The following KLF13 variants were observed in gnomAD, a reference collection of about 807,000 sequenced individuals.
The protein encoded by KLF13 is KLF transcription factor 13, also known as Krueppel-like factor 13.
In KLF13, 8 loss-of-function variants were observed where a neutral mutation model predicts 16.7. The observed-to-expected ratio is 0.48, with a 90% confidence interval of 0.28 to 0.87. The LOEUF (loss-of-function observed/expected upper bound fraction) is 0.87, where lower values mean the gene tolerates loss of function less well. Among genes scored for constraint, KLF13 ranks in the 40% least tolerant of loss-of-function variants. KLF13 has a pLI of 0.10. For synonymous variants in KLF13, 245 were observed against 208.4 expected (o/e 1.18, Z -1.51); for missense variants, 447 against 452.2 (o/e 0.99, Z 0.10).
downstream of KLF13, among the ~76,000 whole-genome samples, chr15:31,407,870 A>G (rs903677317): frequency 7.2e-5 from 11 of 152,232 alleles, no homozygotes; most frequent in African/African-American, 2.2e-4. Flanking sequence ...GTCTTGAAAA[A>G]ATGAATGGAT....
downstream of KLF13, among the ~76,000 whole-genome samples, chr15:31,382,683 CAG>C (rs968701937): frequency 5.3e-5 from 8 of 152,334 alleles, no homozygotes; most frequent in Non-Finnish European, 1.0e-4. Context: ...AAGCTGCCCT[CAG>C]GGGGGCCCAG....
chr15:31,346,793 C>A (rs2039129429), intron 1 of KLF13, among the ~76,000 whole-genome samples: 1 of 152,242 alleles, frequency 6.6e-6, no homozygotes, highest in South Asian at 2.1e-4. Context: ...AGGGCTCCTG[C>A]CGGCCATAGG....
At chr15:31,370,253 C>T (rs2039537667) in intron 1 of KLF13, among the ~76,000 whole-genome samples, 1 of 151,912 alleles carries the variant, frequency 6.6e-6, no homozygotes, top group South Asian at 2.1e-4. Context: ...CACACACGGC[C>T]CCTGCTTCAG....
At chr15:31,383,758 T>A (rs551998744) in intron 1 of KLF13, among the ~76,000 whole-genome samples, 1 of 151,898 alleles carries the variant, frequency 6.6e-6, no homozygotes, top group Middle Eastern at 3.2e-3. Context: ...AAAAATTAGC[T>A]GGGCGTGGTG....
At chr15:31,420,587 G>T in intron 1 of KLF13, 1 of 450,210 alleles carries the variant, frequency 2.2e-6, no homozygotes. Flanking sequence ...GCATGCTGTT[G>T]AGTTCTGGAA....
intron 1 of KLF13, among the ~76,000 whole-genome samples, 197 bp downstream of exon 1, chr15:31,327,986 G>A (rs1014324089): frequency 2.0e-5 from 3 of 148,328 alleles, no homozygotes; most frequent in Admixed American, 2.0e-4. Context: ...GGCTCTCGGA[G>A]CCGGCGCCCG....
chr15:31,361,965 A>C (rs2039397674), intron 1 of KLF13, among the ~76,000 whole-genome samples: 1 of 151,832 alleles, frequency 6.6e-6, no homozygotes, highest in Non-Finnish European at 1.5e-5. Flanking sequence ...ACCCTTTCCC[A>C]GTAGTCCACA....
chr15:31,339,816 G>C, intron 1 of KLF13: 2 of 630,434 alleles, frequency 3.2e-6, no homozygotes. Flanking sequence ...ATGTCCTCCC[G>C]CCCCCCGCCT....
intron 1 of KLF13, among the ~76,000 whole-genome samples, chr15:31,328,745 C>A (rs952648409): frequency 2.6e-5 from 4 of 152,210 alleles, no homozygotes; most frequent in Admixed American, 6.5e-5. Context: ...TTCCCTCCCC[C>A]CTTTTTGTTT....
At position 31,357,352 on chromosome 15, in the gene KLF13, C is replaced by T. The variant is rs932062845; in HGVS notation, c.578-14658C>T. ...TTGGTCTGGGTCTCTTGCCCACCCACGTCAGGCTCTTCTGCATTGTCTGCT... is the reference window on the plus strand; with the variant it reads ...TTGGTCTGGGTCTCTTGCCCACCCATGTCAGGCTCTTCTGCATTGTCTGCT... On this transcript the variant is annotated intron_variant, in intron 1 of 1. Transcript: ENST00000307145. Among the ~76,000 whole-genome samples the T allele has an allele frequency of 2.6e-5, 4 of 152,348 alleles. 1 individual carries two copies. The highest frequency in any genetic ancestry group is 4.1e-4 in the South Asian group (2 of 4,828).
intron 1 of KLF13, among the ~76,000 whole-genome samples, chr15:31,333,555 C>T (rs1041598870): frequency 1.3e-5 from 2 of 152,160 alleles, no homozygotes; most frequent in Admixed American, 6.5e-5. Flanking sequence ...TCCTTTCCTC[C>T]TTCTCTTTTT....
At chr15:31,341,353 T>C (rs1277406954) in intron 1 of KLF13, among the ~76,000 whole-genome samples, 1 of 152,130 alleles carries the variant, frequency 6.6e-6, no homozygotes, top group Non-Finnish European at 1.5e-5. Flanking sequence ...TGTTCACGTG[T>C]GTGTACGTGT....
intron 1 of KLF13, among the ~76,000 whole-genome samples, chr15:31,329,423 C>G (rs1003507746): frequency 6.6e-6 from 1 of 151,946 alleles, no homozygotes; most frequent in Admixed American, 6.5e-5. Context: ...GGAAATTTTT[C>G]TACGGCCTCT....
intron 1 of KLF13, among the ~76,000 whole-genome samples, chr15:31,328,202 G>C (rs1376875206): frequency 6.6e-6 from 1 of 150,674 alleles, no homozygotes; most frequent in East Asian, 2.0e-4. Flanking sequence ...GACGCTCTCC[G>C]GGGTCCCTCC....
intron 2 of KLF13, among the ~76,000 whole-genome samples, chr15:31,395,126 C>T (rs919678760): frequency 2.0e-5 from 3 of 152,028 alleles, no homozygotes; most frequent in African/African-American, 7.3e-5. Context: ...ATTGCAGATG[C>T]CCGCCACCAC....
chr15:31,380,299 A>G (rs2039708199), downstream of KLF13, among the ~76,000 whole-genome samples: 1 of 152,206 alleles, frequency 6.6e-6, no homozygotes, highest in Admixed American at 6.5e-5. Context: ...TCTCAAAAAC[A>G]AATAAATTAA....
At chr15:31,422,730 T>A (rs1338463010) in intron 1 of KLF13, among the ~76,000 whole-genome samples, 1 of 151,960 alleles carries the variant, frequency 6.6e-6, no homozygotes, top group Non-Finnish European at 1.5e-5. Flanking sequence ...AATGAACATA[T>A]AACAATAAAA....
At chr15:31,405,014 A>C (rs747326237), downstream of KLF13, among the ~76,000 whole-genome samples, 2 of 152,160 alleles carry the variant, frequency 1.3e-5, no homozygotes, top group Non-Finnish European at 2.9e-5. Flanking sequence ...AAAACCAATG[A>C]TATGCTTATG....
Position 31,377,232 on chromosome 15 carries a change from GCC to G in KLF13, c.*4936_*4937del, listed in dbSNP as rs1035901853. 4.6e-5 allele frequency: 7 copies of G among 152,682 alleles called. No homozygotes were observed. The allele number at this position is 152,682 out of a possible 1,614,324, so 9.5% of individuals were successfully genotyped here. A position where few individuals can be genotyped will look rare whatever the true frequency, so the allele number is the denominator to read the frequency against. The stretch of plus-strand genomic sequence containing the variant: ...CTCTAGACACCACGTGGGCTCATTA[GCC>G]CCAGCGTCTGTGCCGGCTCCAGGTG... On this transcript the variant is annotated 3_prime_UTR_variant, in exon 2 of 2. Transcript: ENST00000307145.
Sources: gnomAD v4.1 joint callset for allele counts (sites outside exome capture counted in the v4.1 genomes callset) on GRCh38, gnomAD v4.1.1 for gene constraint, MANE v1.5 for transcripts, NCBI Gene and HGNC (gene_info 2026-07-23, HGNC 2026-07-21) for gene names.